SPATA31G1: variants seen among roughly 807,000 people sequenced by gnomAD.
SPATA31G1 encodes spermatogenesis-associated protein 31G1.
At chr9:35,042,178 C>T in the SPATA31G1 span, 1 of 1,542,354 alleles carries the variant, frequency 6.5e-7, no homozygotes. Context: ...TAAGCCCAGG[C>T]CTCTGTGGGG....
the SPATA31G1 span, chr9:35,043,047 T>C: frequency 7.4e-6 from 12 of 1,613,948 alleles, no homozygotes; most frequent in Non-Finnish European, 1.0e-5. Context: ...ACCCCAGCCA[T>C]CCTGTGGTTC....
At chr9:35,044,801 T>A in the SPATA31G1 span, 9 of 1,614,038 alleles carry the variant, frequency 5.6e-6, no homozygotes, top group Non-Finnish European at 7.6e-6. Flanking sequence ...TGGCAGTGGA[T>A]CCCCTACACC....
the SPATA31G1 span, chr9:35,045,571 T>C: frequency 1.9e-6 from 3 of 1,614,034 alleles, no homozygotes; most frequent in African/African-American, 2.7e-5. Flanking sequence ...AGAAGCCTAG[T>C]AGAGGCCCCT....
chr9:35,045,208 C>T, the SPATA31G1 span: 1,372 of 1,614,140 alleles, frequency 8.5e-4, 15 homozygotes, highest in South Asian at 0.014. Context: ...CCTGTCCAGT[C>T]CTCCCACTGT....
chr9:35,042,638 G>A, the SPATA31G1 span: 1 of 1,281,338 alleles, frequency 7.8e-7, no homozygotes, highest in Non-Finnish European at 1.1e-6. Context: ...CCAGGTGAGT[G>A]ACCATGGATT....
the SPATA31G1 span, chr9:35,045,573 GA>G: frequency 5.0e-5 from 81 of 1,614,202 alleles, no homozygotes; most frequent in South Asian, 5.2e-4. Context: ...AAGCCTAGTA[GA>G]GGCCCCTGTA....
the SPATA31G1 span, chr9:35,041,148 CT>C: frequency 2.2e-6 from 1 of 453,526 alleles, no homozygotes; most frequent in African/African-American, 2.0e-5. Context: ...TTGTGGAATG[CT>C]GAGAAAGGTA....
the SPATA31G1 span, chr9:35,045,720 C>T: frequency 1.2e-6 from 2 of 1,614,226 alleles, no homozygotes; most frequent in East Asian, 4.5e-5. Flanking sequence ...CATCCTGACC[C>T]CTCGCCACTG....
the SPATA31G1 span, chr9:35,043,946 A>T: frequency 6.2e-7 from 1 of 1,613,716 alleles, no homozygotes; most frequent in South Asian, 1.1e-5. Context: ...AGCTCTCTGG[A>T]ACCAGCCCTG....
chr9:35,044,213 C>T, the SPATA31G1 span: 535 of 1,614,196 alleles, frequency 3.3e-4, 1 homozygote, highest in Non-Finnish European at 4.3e-5. Flanking sequence ...TGGAACCACA[C>T]AGAATCAATC....
the SPATA31G1 span, chr9:35,043,212 C>G: frequency 6.2e-7 from 1 of 1,614,214 alleles, no homozygotes; most frequent in Admixed American, 1.7e-5. Flanking sequence ...AAAAAGCCAG[C>G]TCTTCTGGGG....
the SPATA31G1 span, chr9:35,043,139 C>G: frequency 6.2e-7 from 1 of 1,614,188 alleles, no homozygotes; most frequent in Non-Finnish European, 8.5e-7. Context: ...TCCCCATCTT[C>G]CAGATTCTGA....
At chr9:35,042,454 C>A in the SPATA31G1 span, 1 of 1,614,186 alleles carries the variant, frequency 6.2e-7, no homozygotes, top group Non-Finnish European at 8.5e-7. Flanking sequence ...CAGCTTCATC[C>A]CTGGTGCTCT....
At chr9:35,045,213 C>CA in the SPATA31G1 span, 1 of 1,614,154 alleles carries the variant, frequency 6.2e-7, no homozygotes. Flanking sequence ...CCAGTCCTCC[C>CA]ACTGTCATCA....
At chr9:35,043,578 C>A in the SPATA31G1 span, 1 of 1,614,174 alleles carries the variant, frequency 6.2e-7, no homozygotes, top group Non-Finnish European at 8.5e-7. Flanking sequence ...CCTGGAAGTT[C>A]TCCCTGGATA....
chr9:35,042,386 A>G, the SPATA31G1 span: 1 of 1,614,218 alleles, frequency 6.2e-7, no homozygotes, highest in Non-Finnish European at 8.5e-7. Flanking sequence ...ATCTGGTGAC[A>G]CTATTCTTAT....
chr9:35,045,328 C>T, the SPATA31G1 span: 1 of 1,614,106 alleles, frequency 6.2e-7, no homozygotes, highest in Non-Finnish European at 8.5e-7. Flanking sequence ...CAGGTCCCAT[C>T]CCAAGGGCCA....
At chr9:35,042,953 G>A in the SPATA31G1 span, 1 of 1,614,132 alleles carries the variant, frequency 6.2e-7, no homozygotes. Flanking sequence ...AGGAAGAGGG[G>A]GAAGACGAGG....
chr9:35,043,949 C>A, the SPATA31G1 span: 3 of 1,613,634 alleles, frequency 1.9e-6, no homozygotes, highest in Non-Finnish European at 8.5e-7. Flanking sequence ...TCTCTGGAAC[C>A]AGCCCTGAAT....
Sources: allele counts gnomAD v4.1 joint callset, GRCh38; gene constraint gnomAD v4.1.1; transcripts MANE v1.5; gene names NCBI Gene and HGNC (gene_info 2026-07-23, HGNC 2026-07-21).